The following GALK2 variants were observed in gnomAD, a reference collection of about 807,000 sequenced individuals.
The protein encoded by GALK2 is N-acetylgalactosamine kinase.
Under a neutral mutation model 52.4 loss-of-function variants are expected in GALK2, and 36 were observed. The observed-to-expected ratio is 0.69, with a 90% CI of 0.53 to 0.91. The LOEUF is 0.91. GALK2 is among the 40% of genes least tolerant of loss of function. GALK2 has a pLI of 0.00. For missense variants in GALK2, 579 were observed against 559.1 expected (o/e 1.04, Z -0.36); for synonymous variants, 176 against 199.1 (o/e 0.88, Z 0.98).
At chr15:49,284,665 G>A (rs2033139108) in intron 7 of GALK2, among the ~76,000 whole-genome samples, 1 of 152,156 alleles carries the variant, frequency 6.6e-6, no homozygotes, top group Non-Finnish European at 1.5e-5. Context: ...TTTCTCAGTA[G>A]TAATAATTTC....
chr15:49,228,694 T>TATTTATTTATTTA (rs1321584993), intron 3 of GALK2, among the ~76,000 whole-genome samples: 1 of 74,118 alleles, frequency 1.3e-5, no homozygotes, highest in African/African-American at 5.8e-5. Context: ...TATATTTTTT[T>TATTTATTTATTTA]TTTTTTTTTT....
chr15:49,158,181 G>A, intron 1 of GALK2, among the ~76,000 whole-genome samples: 1 of 152,104 alleles, frequency 6.6e-6, no homozygotes. Flanking sequence ...GTATATTGGG[G>A]TTATCAGTGT....
chr15:49,202,758 G>GT (rs1262148026), intron 2 of GALK2, among the ~76,000 whole-genome samples: 1 of 152,106 alleles, frequency 6.6e-6, no homozygotes, highest in African/African-American at 2.4e-5. Flanking sequence ...TCTATTTTTA[G>GT]TTTTTTGAGG....
At chr15:49,203,106 A>G (rs557047123) in intron 2 of GALK2, among the ~76,000 whole-genome samples, 1 of 152,146 alleles carries the variant, frequency 6.6e-6, no homozygotes, top group African/African-American at 2.4e-5. Context: ...GCTGGAGTGC[A>G]GTGGCACGAT....
At chr15:49,287,246 A>G (rs1391822294) in intron 7 of GALK2, among the ~76,000 whole-genome samples, 1 of 152,192 alleles carries the variant, frequency 6.6e-6, no homozygotes, top group Non-Finnish European at 1.5e-5. Flanking sequence ...GCTTTTTGCT[A>G]CACACTCCTC....
intron 8 of GALK2, among the ~76,000 whole-genome samples, chr15:49,305,788 T>G (rs1453041922): frequency 6.6e-6 from 1 of 152,114 alleles, no homozygotes; most frequent in African/African-American, 2.4e-5. Context: ...GGGGGGAAGG[T>G]TGCTTATGGA....
At chr15:49,179,674 A>AT (rs2085806795) in intron 1 of GALK2, among the ~76,000 whole-genome samples, 1 of 110,048 alleles carries the variant, frequency 9.1e-6, no homozygotes, top group Non-Finnish European at 1.9e-5. Flanking sequence ...TTTTTTTAAG[A>AT]TTTTAAGTCA....
At chr15:49,218,074 A>G (rs968558963) in intron 3 of GALK2, among the ~76,000 whole-genome samples, 1 of 152,168 alleles carries the variant, frequency 6.6e-6, no homozygotes, top group African/African-American at 2.4e-5. Context: ...ACAGAAAAAG[A>G]TTTTGGCTTG....
intron 3 of GALK2, among the ~76,000 whole-genome samples, chr15:49,342,344 T>A (rs1040897610): frequency 6.6e-6 from 1 of 152,184 alleles, no homozygotes; most frequent in African/African-American, 2.4e-5. Flanking sequence ...ATAAGAATAG[T>A]GACTCCTGCT....
At chr15:49,194,511 A>G (rs2087037420) in intron 1 of GALK2, among the ~76,000 whole-genome samples, 1 of 149,106 alleles carries the variant, frequency 6.7e-6, no homozygotes, top group Admixed American at 6.6e-5. Flanking sequence ...TGGTAAGGTT[A>G]CTCCTCTCTC....
downstream of GALK2, among the ~76,000 whole-genome samples, chr15:49,334,484 G>A (rs1206881508): frequency 6.6e-6 from 1 of 152,090 alleles, no homozygotes; most frequent in Non-Finnish European, 1.5e-5. Context: ...TATGCCAAAG[G>A]TATCACCCAC....
intron 3 of GALK2, among the ~76,000 whole-genome samples, chr15:49,234,925 C>T (rs914006951): frequency 6.6e-6 from 1 of 152,092 alleles, no homozygotes; most frequent in Non-Finnish European, 1.5e-5. Context: ...CACCACCACA[C>T]CCAGATAATT....
intron 1 of GALK2, among the ~76,000 whole-genome samples, chr15:49,171,586 A>G (rs1362871186): frequency 6.6e-6 from 1 of 152,184 alleles, no homozygotes; most frequent in Admixed American, 6.5e-5. Context: ...TTCTTATTAT[A>G]GAGTCCAGCA....
intron 4 of GALK2, among the ~76,000 whole-genome samples, chr15:49,237,336 T>C (rs1484560779): frequency 6.6e-6 from 1 of 152,252 alleles, no homozygotes; most frequent in East Asian, 1.9e-4. Flanking sequence ...AATTCACTTA[T>C]ATTACATTGA....
chr15:49,216,819 T>C (rs993272016), intron 2 of GALK2, among the ~76,000 whole-genome samples: 20 of 152,152 alleles, frequency 1.3e-4, no homozygotes, highest in African/African-American at 4.8e-4. Flanking sequence ...CCACACTCAC[T>C]TCACCCTCCC....
At chr15:49,211,114 A>G (rs2088847785) in intron 2 of GALK2, among the ~76,000 whole-genome samples, 1 of 152,148 alleles carries the variant, frequency 6.6e-6, no homozygotes, top group African/African-American at 2.4e-5. Context: ...TTGCTTATGC[A>G]TAAGAGCATA....
intron 8 of GALK2, among the ~76,000 whole-genome samples, chr15:49,301,279 C>T (rs1380836763): frequency 5.3e-5 from 8 of 152,128 alleles, no homozygotes; most frequent in Non-Finnish European, 8.8e-5. Context: ...TGCTCAGTGG[C>T]CATTCAAATT....
At chr15:49,226,492 T>C (rs1418495061) in intron 3 of GALK2, among the ~76,000 whole-genome samples, 1 of 152,230 alleles carries the variant, frequency 6.6e-6, no homozygotes, top group East Asian at 1.9e-4. Context: ...GTGGGAGTGG[T>C]GCTTCCTGGC....
chr15:49,366,255 C>A, intron 3 of GALK2: 1 of 786,752 alleles, frequency 1.3e-6, no homozygotes, highest in Admixed American at 1.7e-5. Flanking sequence ...TCTATAAAGT[C>A]TTTGTCACTT....
Sources: allele counts gnomAD v4.1 joint callset (sites outside exome capture counted in the v4.1 genomes callset), GRCh38; gene constraint gnomAD v4.1.1; transcripts MANE v1.5; gene names NCBI Gene and HGNC (gene_info 2026-07-23, HGNC 2026-07-21).